SP110: variants seen among roughly 807,000 people sequenced by gnomAD.
The protein encoded by SP110 is SP110 nuclear body protein.
Under a neutral mutation model 92.7 loss-of-function variants are expected in SP110, and 62 were observed. The observed-to-expected ratio is 0.67, with a 90% CI of 0.55 to 0.83. SP110 has a LOEUF of 0.83. Ranked by LOEUF, SP110 falls within the 40% of genes least tolerant of loss-of-function variation. SP110 has a pLI of 0.00. For synonymous variants in SP110, 273 were observed against 305.3 expected, an observed-to-expected ratio of 0.89 and a Z score of 1.10; for missense variants, 793 against 863.9, an observed-to-expected ratio of 0.92 and a Z score of 1.03.
At chr2:230,220,958 G>A (rs867386393), upstream of SP110, among the ~76,000 whole-genome samples, 3 of 152,242 alleles carry the variant, frequency 2.0e-5, no homozygotes, top group Non-Finnish European at 2.9e-5. Flanking sequence ...GCTGCGGTGA[G>A]CTATGATTGC....
In SP110 at chr2:230,167,273, A is replaced by ATT. The variant is rs67471942; in HGVS notation, c.*1849_*1850dup. 1.4e-4 allele frequency: 18 copies of ATT among 129,956 alleles called. No homozygotes were observed. Among genetic ancestry groups the ATT allele is most frequent in the East Asian group, 1.4e-3 (6 of 4,426 alleles). The allele number at this position is 129,956 out of a possible 1,614,324, so 8.1% of individuals were successfully genotyped here. Reference sequence around the variant, plus strand: ...CCACCTTGCCCAGCTAATTAAAAAGATTTTTTTTTTTTTTTTTTTGTAGAG... The same window carrying ATT: ...CCACCTTGCCCAGCTAATTAAAAAGATTTTTTTTTTTTTTTTTTTTTGTAGAG... On this transcript the variant is annotated 3_prime_UTR_variant, in exon 19 of 19. Coordinates refer to ENST00000258381, the MANE Select transcript of SP110 (RefSeq NM_080424.4).
In SP110 at chr2:230,168,108, C is replaced by CAAAAAAAAAAAAAA. The variant is rs57421361; in HGVS notation, c.*1002_*1015dup. On this transcript the variant is annotated 3_prime_UTR_variant, in exon 19 of 19. Coordinates refer to ENST00000258381, the MANE Select transcript of SP110 (RefSeq NM_080424.4). ...TGGGTGACAGAGTGAGACTCTGTCT[C>CAAAAAAAAAAAAAA]AAAAAAAAAAAAAAAAAAAAAAAAA... is the stretch of plus-strand genomic sequence containing the variant. The CAAAAAAAAAAAAAA allele has an allele frequency of 3.2e-5, 2 of 62,458 alleles. No individual in the cohort carries two copies. Among genetic ancestry groups the CAAAAAAAAAAAAAA allele is most frequent in the African/African-American group, 6.2e-5 (1 of 16,170 alleles). 3.9% of individuals were successfully genotyped at this position (62,458 alleles called of 1,614,324 possible). A position where few individuals can be genotyped will look rare whatever the true frequency, so the allele number is the denominator to read the frequency against.
Position 230,202,581 on chromosome 2 carries a change from T to C in SP110, c.1046A>G (p.Glu349Gly), listed in dbSNP as rs1353777602. 3 of 1,614,132 alleles carry C rather than the reference T, an allele frequency of 1.9e-6. No individual in the cohort carries two copies. Among genetic ancestry groups the C allele is most frequent in the African/African-American group, 1.3e-5 (1 of 75,058 alleles). Residue 349 changes from glutamate to glycine, a missense_variant and splice_region_variant, in exon 9 of 19, where the codon GAG becomes GGG. Physicochemically the swap from Glu to Gly is moderately conservative, Grantham distance 98. Transcript: ENST00000258381. ...RTECARKSRS[E>G]EIIDGTSEMN... ...GCAGATTCCATCATCAGCCTTACCC[T>C]CTGATCTCGACTTTCGGGCACATTC...
In SP110 at chr2:230,165,885, A is replaced by T. The variant is rs968810903; in HGVS notation, c.*3239T>A. Among the ~76,000 whole-genome samples the T allele has an allele frequency of 2.2e-5, 3 of 137,496 alleles. No homozygotes were observed. Among genetic ancestry groups the T allele is most frequent in the African/African-American group, 2.7e-5 (1 of 36,600 alleles). The allele number at this position is 137,496 out of a possible 152,430, so 90.2% of individuals were successfully genotyped here. On this transcript the variant is annotated 3_prime_UTR_variant, in exon 19 of 19. Transcript: ENST00000258381. ...ATTAAAATATGACAGAAATAAGACC[A>T]CCTATATAACTTTTTTTTTTTTTTT... is the stretch of plus-strand genomic sequence containing the variant.
At chr2:230,200,589 T>A in intron 10 of SP110, 1 of 448,230 alleles carries the variant, frequency 2.2e-6, no homozygotes, top group Admixed American at 3.6e-5. Context: ...ACACTCATTC[T>A]CAGTAATGGT....
intron 1 of SP110, chr2:230,219,646 G>A (rs923162009): frequency 7.9e-5 from 12 of 152,200 alleles, no homozygotes; most frequent in African/African-American, 2.2e-4. Context: ...GGCAAATCTC[G>A]GCTCCATTCA....
intron 10 of SP110, 81 bp downstream of exon 10, chr2:230,200,804 A>C: frequency 8.9e-7 from 1 of 1,118,002 alleles, no homozygotes; most frequent in African/African-American, 1.5e-5. Context: ...AAAAGTTAAG[A>C]AATATTGCCT....
At chr2:230,212,520 A>T in intron 4 of SP110, 90 bp from the exon 5 acceptor site, 1 of 1,147,982 alleles carries the variant, frequency 8.7e-7, no homozygotes, top group Non-Finnish European at 1.3e-6. Context: ...CAGATAGAGC[A>T]TCAAGGCACA....
upstream of SP110, among the ~76,000 whole-genome samples, chr2:230,222,571 T>A (rs370438762): frequency 2.2e-4 from 33 of 152,062 alleles, no homozygotes; most frequent in African/African-American, 2.7e-4. Context: ...TACATTTTTT[T>A]AAATTAATTG....
chr2:230,208,129 A>G (rs1455488771), intron 7 of SP110, 70 bp from the exon 8 acceptor site: 1 of 933,220 alleles, frequency 1.1e-6, no homozygotes. Flanking sequence ...AATGATATTC[A>G]GCTTTTACTT....
At position 230,166,660 on chromosome 2, in the gene SP110, A is replaced by G. The variant is rs13026121; in HGVS notation, c.*2464T>C. ...TGTTTTTCATAGTGATCTGAGTGTT[A>G]AAATTCTGTTAACTTTTATTGTTGT... On this transcript the variant is annotated 3_prime_UTR_variant, in exon 19 of 19. Coordinates refer to ENST00000258381, the MANE Select transcript of SP110 (RefSeq NM_080424.4). Among the ~76,000 whole-genome samples, 100,349 of 151,726 alleles carry G rather than the reference A, an allele frequency of 0.66. 33,590 individuals carry two copies. Among genetic ancestry groups the G allele is most frequent in the Middle Eastern group, 0.72 (210 of 292 alleles).
chr2:230,185,322 T>C (rs1559145956), intron 11 of SP110, among the ~76,000 whole-genome samples: 1 of 152,146 alleles, frequency 6.6e-6, no homozygotes, highest in African/African-American at 2.4e-5. Context: ...TGTAGACTTC[T>C]GAGGAGGTGG....
chr2:230,187,640 T>A (rs58283979), intron 10 of SP110, among the ~76,000 whole-genome samples: 355 of 152,152 alleles, frequency 2.3e-3, no homozygotes, highest in African/African-American at 8.2e-3. Flanking sequence ...AGGTTTAAAT[T>A]TTTGATCCAT....
intron 10 of SP110, among the ~76,000 whole-genome samples, chr2:230,196,884 A>G (rs376004688): frequency 9.8e-5 from 15 of 152,294 alleles, no homozygotes; most frequent in Admixed American, 6.5e-4. Context: ...ATCATTTTTT[A>G]TGGCTGCATA....
At chr2:230,221,916 G>C, upstream of SP110, 162 of 592,266 alleles carry the variant, frequency 2.7e-4, no homozygotes, top group Non-Finnish European at 3.1e-4. Context: ...GAGGATGAAA[G>C]ATGTTTATTC....
intron 1 of SP110, among the ~76,000 whole-genome samples, chr2:230,217,535 G>T (rs184285823): frequency 1.3e-5 from 2 of 152,290 alleles, no homozygotes; most frequent in Non-Finnish European, 1.5e-5. Flanking sequence ...TTTCCTGTGT[G>T]CCAGACTTTG....
At chr2:230,216,973 C>T (rs201054847) in intron 1 of SP110, 45 bp from the exon 2 acceptor site, 67 of 1,579,450 alleles carry the variant, frequency 4.2e-5, no homozygotes, top group Admixed American at 1.1e-4. Context: ...AGGCTGGGCG[C>T]GGTGGCTCAT....
upstream of SP110, among the ~76,000 whole-genome samples, chr2:230,220,572 T>C (rs1559189689): frequency 6.6e-6 from 1 of 152,168 alleles, no homozygotes; most frequent in Non-Finnish European, 1.5e-5. Context: ...GGGCAGGTAG[T>C]TGGGAGCCAG....
intron 14 of SP110, chr2:230,176,772 C>T: frequency 6.2e-7 from 1 of 1,602,182 alleles, no homozygotes; most frequent in Non-Finnish European, 8.6e-7. Flanking sequence ...GGAGGTTTTT[C>T]TTTTGTAGAT....
Sources: allele counts gnomAD v4.1 joint callset (sites outside exome capture counted in the v4.1 genomes callset), GRCh38; gene constraint gnomAD v4.1.1; transcripts MANE v1.5; gene names NCBI Gene and HGNC (gene_info 2026-07-23, HGNC 2026-07-21).